CCNDBP1: variants seen among roughly 807,000 people sequenced by gnomAD.
CCNDBP1 encodes cyclin D1 binding protein 1.
A neutral mutation model predicts 46.2 loss-of-function variants in CCNDBP1; 45 were observed. The ratio of observed to expected loss-of-function variants is 0.97; its 90% CI spans 0.77 to 1.25. The LOEUF is 1.25. Ranked by LOEUF, CCNDBP1 falls within the 50% of genes most tolerant of loss-of-function variation. The pLI, the probability that CCNDBP1 is intolerant of heterozygous loss-of-function variation, is 0.00. For synonymous variants in CCNDBP1, 154 were observed against 163.6 expected (o/e 0.94, Z 0.45); for missense variants, 436 against 442.1 (o/e 0.99, Z 0.12).
Position 43,186,292 on chromosome 15 carries a change from A to G in CCNDBP1, c.249+59A>G. The stretch of plus-strand genomic sequence containing the variant: ...CGAGTTACACCTTAGGAATCCTCTA[A>G]TTTTCTTTCCACCTTTTGCACGCAC... On this transcript the variant is annotated intron_variant, in intron 3 of 10. Transcript: ENST00000300213. 7 of 1,384,954 alleles carry G rather than the reference A, an allele frequency of 5.1e-6. No homozygotes were observed. The South Asian group carries it at 7.1e-5, about 14-fold the overall frequency. 85.8% of individuals were successfully genotyped at this position (1,384,954 alleles called of 1,614,324 possible).
At chr15:43,190,588 C>T (rs4432246) in intron 6 of CCNDBP1, among the ~76,000 whole-genome samples, 190 bp downstream of exon 6, 2 of 152,088 alleles carry the variant, frequency 1.3e-5, no homozygotes, top group African/African-American at 2.4e-5. Context: ...CTTCTAAATT[C>T]CACTCCCCCT....
chr15:43,192,701 T>C (rs2041972972), intron 8 of CCNDBP1, 42 bp from the exon 9 acceptor site: 1 of 1,581,636 alleles, frequency 6.3e-7, no homozygotes, highest in African/African-American at 1.3e-5. Context: ...ACAACCTGGC[T>C]GCGTTTTTTT....
At chr15:43,185,741 C>CT in intron 1 of CCNDBP1, 79 bp from the exon 2 acceptor site, 1 of 1,503,664 alleles carries the variant, frequency 6.7e-7, no homozygotes, top group Non-Finnish European at 9.0e-7. Context: ...GGGAGCCGGG[C>CT]TTGGGCGAGG....
intron 3 of CCNDBP1, among the ~76,000 whole-genome samples, chr15:43,186,918 G>A (rs976081973): frequency 3.9e-5 from 6 of 152,120 alleles, no homozygotes; most frequent in African/African-American, 9.7e-5. Context: ...AAACAGTGTC[G>A]TGATGAATTA....
chr15:43,190,096 A>G lies in CCNDBP1; in HGVS notation c.373A>G (p.Ile125Val). ...GCTGGTACGGGGCGCCACCCTGGAC[A>G]TCGTGGATGGCATGGCTCAGCTCAT... The part of the protein sequence containing the change: ...RKLVRGATLD[I>V]VDGMAQLMEV... The change falls in exon 5 of 11, where the codon ATC becomes GTC. Residue 125 changes from isoleucine (I) to valine (V), a missense_variant. Transcript: ENST00000300213. The G allele has an allele frequency of 6.2e-7, 1 of 1,607,962 alleles. No homozygotes were observed. Among genetic ancestry groups the G allele is most frequent in the Non-Finnish European group, 8.5e-7 (1 of 1,174,606 alleles).
At position 43,185,549 on chromosome 15, in the gene CCNDBP1, T is replaced by A; in HGVS notation, c.51T>A (p.Pro17=). 6.3e-7 allele frequency: 1 copy of A among 1,595,962 alleles called. No homozygotes were observed. Among genetic ancestry groups the A allele is most frequent in the Non-Finnish European group, 8.5e-7 (1 of 1,173,682 alleles). Reference sequence around the variant, plus strand: ...CCGCAGTCCCCACCCTGGCTTCGCCTTTGGAGCAGCTCCGGCACTTGGCGG... The same window carrying A: ...CCGCAGTCCCCACCCTGGCTTCGCCATTGGAGCAGCTCCGGCACTTGGCGG... ...PAAAVPTLAS[P]LEQLRHLAEE... is the part of the protein sequence containing the mutation. Residue 17 remains proline, a synonymous_variant, in exon 1 of 11, where the codon CCT becomes CCA. Coordinates refer to ENST00000300213, the MANE Select transcript of CCNDBP1 (RefSeq NM_012142.5).
chr15:43,187,727 T>C (rs2041876432), intron 3 of CCNDBP1, among the ~76,000 whole-genome samples: 1 of 152,190 alleles, frequency 6.6e-6, no homozygotes, highest in African/African-American at 2.4e-5. Flanking sequence ...GACTTGCTGC[T>C]AAAACTCACT....
At chr15:43,187,237 A>G (rs2041866618) in intron 3 of CCNDBP1, among the ~76,000 whole-genome samples, 1 of 151,614 alleles carries the variant, frequency 6.6e-6, no homozygotes. Context: ...ATGTACCTAC[A>G]GTGATAAACT....
At chr15:43,186,371 C>G in intron 3 of CCNDBP1, 138 bp downstream of exon 3, 1 of 713,094 alleles carries the variant, frequency 1.4e-6, no homozygotes, top group Non-Finnish European at 2.4e-6. Flanking sequence ...TTTTACTTCA[C>G]AGGATTGTTG....
intron 9 of CCNDBP1, chr15:43,193,085 G>T: frequency 2.5e-6 from 1 of 403,692 alleles, no homozygotes. Flanking sequence ...GGCTGGGCGC[G>T]GTAGCTCACA....
intron 1 of CCNDBP1, 79 bp from the exon 2 acceptor site, chr15:43,185,741 C>A: frequency 6.7e-7 from 1 of 1,503,662 alleles, no homozygotes. Flanking sequence ...GGGAGCCGGG[C>A]TTGGGCGAGG....
Position 43,189,101 on chromosome 15 carries a change from A to AAAAAAAAAAAAAAAAAAAAAAG in CCNDBP1, c.250-95_250-94insAAAAAAAAAAAAAAAAAAGAAA, listed in dbSNP as rs756151109. ...TCAAAAAAAAAAAAAAAAAAAAAAA[A>AAAAAAAAAAAAAAAAAAAAAAG]AAAGAAAAAGAAAGAAAAGAAAAAG... On this transcript the variant is annotated intron_variant, in intron 3 of 10. Transcript: ENST00000300213. 2.6e-4 allele frequency: 42 copies of AAAAAAAAAAAAAAAAAAAAAAG among 159,516 alleles called. 2 individuals carry two copies. Among genetic ancestry groups the AAAAAAAAAAAAAAAAAAAAAAG allele is most frequent in the Middle Eastern group, 1.9e-3 (1 of 536 alleles). 9.9% of individuals were successfully genotyped at this position (159,516 alleles called of 1,614,324 possible).
intron 2 of CCNDBP1, 86 bp downstream of exon 2, chr15:43,185,965 G>C (rs886884762): frequency 7.3e-7 from 1 of 1,360,802 alleles, no homozygotes; most frequent in Non-Finnish European, 1.0e-6. Flanking sequence ...CCACGGAGGG[G>C]ACTGCTCTCC....
intron 2 of CCNDBP1, 51 bp from the exon 3 acceptor site, chr15:43,186,103 C>A: frequency 6.6e-7 from 1 of 1,518,130 alleles, no homozygotes; most frequent in South Asian, 1.1e-5. Context: ...TCTTCCAAGT[C>A]CGTGCAGCAC....
Position 43,192,808 on chromosome 15 carries a change from G to A in CCNDBP1, c.921+5G>A. ...CACCTGACCGTGCGAATCAATGTAA[G>A]TACTGGCTTTGAGGGAATAGCTACA... On this transcript the variant is annotated splice_donor_5th_base_variant and intron_variant, in intron 9 of 10. Coordinates refer to ENST00000300213, the MANE Select transcript of CCNDBP1 (RefSeq NM_012142.5). 1 of 1,613,696 alleles carries A rather than the reference G, an allele frequency of 6.2e-7. No homozygotes were observed. Among genetic ancestry groups the A allele is most frequent in the Non-Finnish European group, 8.5e-7 (1 of 1,179,590 alleles).
intron 3 of CCNDBP1, 107 bp downstream of exon 3, chr15:43,186,340 T>A: frequency 1.1e-6 from 1 of 887,358 alleles, no homozygotes; most frequent in Middle Eastern, 2.2e-4. Flanking sequence ...CTTTTCTTCA[T>A]CTGTCCAGTG....
In CCNDBP1 at chr15:43,194,879, G is replaced by C; in HGVS notation, c.*38G>C. 7.7e-7 allele frequency: 1 copy of C among 1,291,144 alleles called. No homozygotes were observed. Among genetic ancestry groups the C allele is most frequent in the Non-Finnish European group, 1.1e-6 (1 of 887,826 alleles). 80.0% of individuals were successfully genotyped at this position (1,291,144 alleles called of 1,614,324 possible). ...ATTTGTACTCTCTTCCCCTCTCATCGTCATGGTCAGGCTCTGATACCTGCT... is the reference window on the plus strand; with the variant it reads ...ATTTGTACTCTCTTCCCCTCTCATCCTCATGGTCAGGCTCTGATACCTGCT... On this transcript the variant is annotated 3_prime_UTR_variant, in exon 11 of 11. Transcript: ENST00000300213.
chr15:43,190,026 G>A (rs746788137), intron 4 of CCNDBP1, 29 bp from the exon 5 acceptor site: 11 of 1,591,834 alleles, frequency 6.9e-6, no homozygotes, highest in Non-Finnish European at 8.6e-6. Flanking sequence ...AAGAACACCA[G>A]GTTGCTTATT....
chr15:43,192,643 T>G, intron 8 of CCNDBP1, 100 bp from the exon 9 acceptor site: 1 of 1,085,830 alleles, frequency 9.2e-7, no homozygotes, highest in Non-Finnish European at 1.4e-6. Flanking sequence ...CTGACAGGCA[T>G]TTCTGGGACA....
Sources: allele counts gnomAD v4.1 joint callset (sites outside exome capture counted in the v4.1 genomes callset), GRCh38; gene constraint gnomAD v4.1.1; transcripts MANE v1.5; gene names NCBI Gene and HGNC (gene_info 2026-07-23, HGNC 2026-07-21).